Variants in UBAP2 observed in about 807,000 individuals in gnomAD.
UBAP2 encodes ubiquitin-associated protein 2.
Under a neutral mutation model 139.6 loss-of-function variants are expected in UBAP2, and 75 were observed. That is an observed-to-expected ratio of 0.54 (90% confidence interval 0.45 to 0.65). UBAP2 has a LOEUF of 0.65. UBAP2 is among the 30% of genes least tolerant of loss of function. UBAP2 has a pLI of 0.00. For missense variants in UBAP2, 1,368 were observed against 1,369.6 expected (o/e 1.00, Z 0.02); for synonymous variants, 526 against 526.2 (o/e 1.00, Z 0.01).
chr9:33,957,098 AAAAG>A (rs1384816688), intron 10 of UBAP2, among the ~76,000 whole-genome samples: 1 of 152,180 alleles, frequency 6.6e-6, no homozygotes, highest in African/African-American at 2.4e-5. Flanking sequence ...CAAAAAAAAA[AAAAG>A]AAGAAGTCAT....
intron 4 of UBAP2, among the ~76,000 whole-genome samples, chr9:33,990,292 A>G (rs1478493174): frequency 6.6e-6 from 1 of 152,198 alleles, no homozygotes; most frequent in Non-Finnish European, 1.5e-5. Flanking sequence ...ACAAAATTTG[A>G]CATTATATAT....
chr9:34,031,950 A>G (rs1825928250), intron 1 of UBAP2, among the ~76,000 whole-genome samples: 2 of 152,086 alleles, frequency 1.3e-5, no homozygotes, highest in East Asian at 3.8e-4. Flanking sequence ...CAGCCTGGGT[A>G]ACATAGCAAG....
chr9:34,039,847 TAAAA>T lies in UBAP2; in HGVS notation c.-42+8974_-42+8977del, dbSNP rs74180526. On this transcript the variant is annotated intron_variant, in intron 1 of 28. Transcript: ENST00000379238. ...ACACCCAAGAATGATCAATAAATAC[TAAAA>T]AAAAAAAAAAAAAAAAAAAAATACA... is the stretch of plus-strand genomic sequence containing the variant. 5.9e-4 allele frequency among the ~76,000 whole-genome samples: 50 copies of T among 84,422 alleles called. 1 individual carries two copies. The highest frequency in any genetic ancestry group is 2.0e-3 in the African/African-American group (46 of 23,050). 55.4% of individuals were successfully genotyped at this position (84,422 alleles called of 152,430 possible). A position where few individuals can be genotyped will look rare whatever the true frequency, so the allele number is the denominator to read the frequency against.
At chr9:33,983,221 G>A (rs996028343) in intron 6 of UBAP2, among the ~76,000 whole-genome samples, 1 of 152,110 alleles carries the variant, frequency 6.6e-6, no homozygotes. Context: ...TCTGATTTAT[G>A]ACATGGATCA....
At chr9:33,992,564 AAAATAAAAATAAAAAAAAGATACC>A (rs1821804815) in intron 4 of UBAP2, among the ~76,000 whole-genome samples, 1 of 144,178 alleles carries the variant, frequency 6.9e-6, no homozygotes, top group African/African-American at 2.6e-5. Context: ...CCATCTCAAA[AAAATAAAAATAAAAAAAAGATACC>A]CTCCCCATCC....
chr9:33,924,214 G>A lies in UBAP2; in HGVS notation c.2582C>T (p.Pro861Leu). ...ASRDGSLANN[P>L]YPGDVTKFGR... is the part of the protein sequence containing the mutation. ...CCATTGAGCAAACTCACCTGGATAT[G>A]GATTATTAGCTAGGCTCCCATCTCG... The change falls in exon 23 of 29, where the codon CCA becomes CTA. Residue 861 changes from proline to leucine, a missense_variant. Coordinates refer to ENST00000379238, the MANE Select transcript of UBAP2 (RefSeq NM_001370062.2). 6.2e-7 allele frequency: 1 copy of A among 1,614,208 alleles called. No individual in the cohort carries two copies. The highest frequency in any genetic ancestry group is 8.5e-7 in the Non-Finnish European group (1 of 1,180,026).
At chr9:33,964,695 A>C (rs1827315630) in intron 8 of UBAP2, among the ~76,000 whole-genome samples, 1 of 151,968 alleles carries the variant, frequency 6.6e-6, no homozygotes, top group Admixed American at 6.6e-5. Flanking sequence ...TGGACAACAA[A>C]TTGAGACCCC....
rs1188828543 is a variant in UBAP2 at position 34,004,769 on chromosome 9, G to A, written c.100-5905C>T. On this transcript the variant is annotated intron_variant, in intron 2 of 28. Coordinates refer to ENST00000379238, the MANE Select transcript of UBAP2 (RefSeq NM_001370062.2). ...ACTGCACTCCAGCCTGGGCAAAAGA[G>A]CGAGATTCTGTCTCCAAAAAAAAAA... Among the ~76,000 whole-genome samples the A allele has an allele frequency of 7.2e-4, 107 of 149,400 alleles. 1 individual carries two copies. Among genetic ancestry groups the A allele is most frequent in the Non-Finnish European group, 1.5e-4 (10 of 67,492 alleles).
At chr9:33,962,430 G>C (rs897709674) in intron 9 of UBAP2, among the ~76,000 whole-genome samples, 1 of 151,730 alleles carries the variant, frequency 6.6e-6, no homozygotes, top group African/African-American at 2.4e-5. Flanking sequence ...GGTGGATCAC[G>C]AGGTCAGGAG....
intron 1 of UBAP2, among the ~76,000 whole-genome samples, chr9:34,035,273 C>A (rs1456790261): frequency 6.6e-6 from 1 of 151,432 alleles, no homozygotes; most frequent in Non-Finnish European, 1.5e-5. Flanking sequence ...GAGGCCGAGG[C>A]GGGCGGATCA....
chr9:34,012,723 G>C (rs933560207), intron 2 of UBAP2, among the ~76,000 whole-genome samples: 1 of 151,618 alleles, frequency 6.6e-6, no homozygotes, highest in African/African-American at 2.4e-5. Flanking sequence ...GTAGGGAAAG[G>C]AAGAGAACAG....
intron 1 of UBAP2, among the ~76,000 whole-genome samples, chr9:34,022,289 C>T (rs1825017470): frequency 6.6e-6 from 1 of 152,078 alleles, no homozygotes; most frequent in Middle Eastern, 3.4e-3. Context: ...TAATACTCTG[C>T]AATTCCATCT....
At chr9:33,992,177 T>G (rs1208410186) in intron 4 of UBAP2, among the ~76,000 whole-genome samples, 6 of 151,880 alleles carry the variant, frequency 4.0e-5, no homozygotes, top group Admixed American at 3.9e-4. Context: ...TCACCTGAGG[T>G]TGGGAGTTCA....
intron 10 of UBAP2, among the ~76,000 whole-genome samples, chr9:33,958,817 T>C (rs746272018): frequency 6.7e-6 from 1 of 149,104 alleles, no homozygotes; most frequent in Non-Finnish European, 1.5e-5. Flanking sequence ...AGTTTGGGGC[T>C]GGAGTGAGCT....
At chr9:34,030,744 G>A (rs914333528) in intron 1 of UBAP2, among the ~76,000 whole-genome samples, 9 of 151,992 alleles carry the variant, frequency 5.9e-5, no homozygotes, top group Admixed American at 2.6e-4. Flanking sequence ...GACTAACATG[G>A]TGAAACCCCG....
intron 12 of UBAP2, 139 bp downstream of exon 12, chr9:33,953,146 G>C (rs1188867064): frequency 2.4e-6 from 2 of 832,240 alleles, no homozygotes; most frequent in East Asian, 5.7e-5. Flanking sequence ...TGGGATTACA[G>C]GCATGAGCCA....
chr9:33,926,934 CCAGCCCCCG>C, intron 21 of UBAP2, 46 bp downstream of exon 21: 10 of 1,568,516 alleles, frequency 6.4e-6, no homozygotes, highest in Middle Eastern at 1.7e-4. Context: ...CTGCCAGGTG[CCAGCCCCCG>C]AGGCCAGGGG....
rs538402078 is a variant in UBAP2, at chr9:33,993,757, C to G, written c.288+2466G>C. Among the ~76,000 whole-genome samples the G allele has an allele frequency of 3.3e-5, 5 of 152,298 alleles. No homozygotes were observed. In the South Asian group the frequency reaches 1.0e-3, roughly 32 times the overall value. ...CCACTCAGCCCTGAACAAGTGTATT[C>G]TTTCACAACTATATTCAGAACTTCA... On this transcript the variant is annotated intron_variant, in intron 4 of 28. Transcript: ENST00000379238.
chr9:33,963,641 A>G (rs938970990), intron 9 of UBAP2, 85 bp downstream of exon 9: 7 of 760,524 alleles, frequency 9.2e-6, no homozygotes, highest in Non-Finnish European at 1.3e-5. Context: ...AATTTTTATT[A>G]GCTAGCTTTG....
Sources: allele counts gnomAD v4.1 joint callset (sites outside exome capture counted in the v4.1 genomes callset), GRCh38; gene constraint gnomAD v4.1.1; transcripts MANE v1.5; gene names NCBI Gene and HGNC (gene_info 2026-07-23, HGNC 2026-07-21).